THSD7A: variants seen among roughly 807,000 people sequenced by gnomAD.
THSD7A encodes thrombospondin type-1 domain-containing protein 7A.
Under a neutral mutation model 231.3 loss-of-function variants are expected in THSD7A, and 96 were observed. The ratio of observed to expected loss-of-function variants is 0.41; its 90% confidence interval spans 0.35 to 0.49. The LOEUF is 0.49. Ranked by LOEUF, THSD7A falls within the 20% of genes least tolerant of loss-of-function variation. The probability of loss-of-function intolerance (pLI) is 0.05; values close to 1 mark genes in which losing one functional copy is unlikely to be tolerated. For synonymous variants in THSD7A, 940 were observed against 743.3 expected (o/e 1.26, Z -4.30); for missense variants, 2,290 against 2,070.2 (o/e 1.11, Z -2.06).
chr7:11,466,933 A>C (rs944999195), intron 9 of THSD7A, among the ~76,000 whole-genome samples: 1 of 151,944 alleles, frequency 6.6e-6, no homozygotes, highest in African/African-American at 2.4e-5. Context: ...CACTCACCAC[A>C]AGAAATGAGC....
At chr7:11,683,810 A>G (rs1179709516) in intron 1 of THSD7A, among the ~76,000 whole-genome samples, 2 of 152,062 alleles carry the variant, frequency 1.3e-5, no homozygotes, top group African/African-American at 4.8e-5. Context: ...AAGAGCCAGT[A>G]TCAATCCTAC....
At chr7:11,386,845 T>A (rs1782763975) in intron 23 of THSD7A, among the ~76,000 whole-genome samples, 1 of 152,194 alleles carries the variant, frequency 6.6e-6, no homozygotes, top group Admixed American at 6.5e-5. Flanking sequence ...CGGTTTTAGG[T>A]CTTGGGTTTA....
intron 2 of THSD7A, among the ~76,000 whole-genome samples, chr7:11,629,080 G>A (rs138075188): frequency 3.3e-5 from 5 of 152,288 alleles, no homozygotes; most frequent in African/African-American, 1.2e-4. Flanking sequence ...GCCTTTGCTA[G>A]AGAAATTCAG....
At chr7:11,734,433 C>G (rs945308130) in intron 1 of THSD7A, among the ~76,000 whole-genome samples, 1 of 151,954 alleles carries the variant, frequency 6.6e-6, no homozygotes, top group African/African-American at 2.4e-5. Context: ...CCTCTACACT[C>G]CAGAAAAATA....
Position 11,589,264 on chromosome 7 carries a change from C to G in THSD7A, c.1453+1196G>C, listed in dbSNP as rs572012483. Among the ~76,000 whole-genome samples the G allele has an allele frequency of 4.5e-4, 69 of 152,110 alleles. 1 individual carries two copies. Among genetic ancestry groups the G allele is most frequent in the Non-Finnish European group, 8.2e-4 (56 of 68,026 alleles). On this transcript the variant is annotated intron_variant, in intron 4 of 27. Coordinates refer to ENST00000423059, the MANE Select transcript of THSD7A (RefSeq NM_015204.3). ...TCCTTTCCTCTCATCTCCTTTCCTC[C>G]CCTCCCGTCTCTACAACCTGCCAAA...
chr7:11,406,923 G>A lies in THSD7A; in HGVS notation c.4049C>T (p.Pro1350Leu). ...GAGATTTGATACCTGCACTTGGCAT[G>A]GAGACCACTGGCCATATTGCCACCG... is the stretch of plus-strand genomic sequence containing the variant. ...CYRWQYGQWS[P>L]CQVQEAQCGE... Residue 1350 changes from proline (P) to leucine (L), a missense_variant, in exon 21 of 28, where the codon CCA becomes CTA. Pro to Leu is a moderately conservative substitution (Grantham distance 98). Coordinates refer to ENST00000423059, the MANE Select transcript of THSD7A (RefSeq NM_015204.3). This position sits in a 1 kb window ranked among gnomAD's most constrained non-coding sequence, Gnocchi z 4.7. 6.2e-7 allele frequency: 1 copy of A among 1,613,794 alleles called. No homozygotes were observed. Among genetic ancestry groups the A allele is most frequent in the East Asian group, 2.2e-5 (1 of 44,862 alleles).
intron 17 of THSD7A, among the ~76,000 whole-genome samples, chr7:11,416,313 G>T (rs1783957877): frequency 6.6e-6 from 1 of 152,098 alleles, no homozygotes; most frequent in Admixed American, 6.6e-5. Flanking sequence ...TTAAGAAGGG[G>T]CCTGGGTTCA....
In THSD7A at chr7:11,473,400, G is replaced by C. The variant is rs141280922; in HGVS notation, c.2252+934C>G. 1.9e-3 allele frequency among the ~76,000 whole-genome samples: 288 copies of C among 152,186 alleles called. 1 individual carries two copies. The highest frequency in any genetic ancestry group is 3.0e-3 in the Non-Finnish European group (207 of 68,006). On this transcript the variant is annotated intron_variant, in intron 8 of 27. Coordinates refer to ENST00000423059, the MANE Select transcript of THSD7A (RefSeq NM_015204.3). ...CAGACTGCAAAAACTGTTGGCCAGAGTAAGTTAGGTAGCACGCTGAAGATT... is the reference window on the plus strand; with the variant it reads ...CAGACTGCAAAAACTGTTGGCCAGACTAAGTTAGGTAGCACGCTGAAGATT...
At chr7:11,628,862 C>A (rs904495470) in intron 2 of THSD7A, among the ~76,000 whole-genome samples, 4 of 152,092 alleles carry the variant, frequency 2.6e-5, no homozygotes, top group Non-Finnish European at 5.9e-5. Flanking sequence ...CAGCAGAAAA[C>A]AATGTAAACT....
intron 1 of THSD7A, among the ~76,000 whole-genome samples, chr7:11,647,494 T>A (rs963370721): frequency 1.3e-5 from 2 of 152,102 alleles, no homozygotes; most frequent in Non-Finnish European, 2.9e-5. Context: ...GCAATACTAC[T>A]ACTCAAATTA....
At chr7:11,381,062 A>G (rs111450637) in intron 24 of THSD7A, among the ~76,000 whole-genome samples, 7 of 152,144 alleles carry the variant, frequency 4.6e-5, no homozygotes, top group African/African-American at 1.4e-4. Context: ...AAGCTGTTAA[A>G]TTTTCTTTGA....
chr7:11,777,982 T>C (rs1047819407), intron 1 of THSD7A, among the ~76,000 whole-genome samples: 46 of 115,500 alleles, frequency 4.0e-4, no homozygotes, highest in Admixed American at 1.7e-4. Context: ...ACCCCGTCTC[T>C]ACTAAAAATA....
chr7:11,760,898 C>G (rs1782835319), intron 1 of THSD7A, among the ~76,000 whole-genome samples: 1 of 150,104 alleles, frequency 6.7e-6, no homozygotes, highest in South Asian at 2.1e-4. Flanking sequence ...TAATTATCTA[C>G]TAATGTTACA....
intron 4 of THSD7A, among the ~76,000 whole-genome samples, chr7:11,578,530 T>C (rs893237668): frequency 1.3e-5 from 2 of 152,192 alleles, no homozygotes; most frequent in Non-Finnish European, 2.9e-5. Context: ...TAAAGAAGTT[T>C]AGGGAAGGAT....
chr7:11,441,104 A>G (rs762985666), intron 13 of THSD7A, among the ~76,000 whole-genome samples: 9 of 152,042 alleles, frequency 5.9e-5, no homozygotes, highest in Non-Finnish European at 1.3e-4. Flanking sequence ...CTTTTTATTC[A>G]TCCATTTATT....
intron 5 of THSD7A, among the ~76,000 whole-genome samples, chr7:11,542,747 T>C (rs1040853751): frequency 1.3e-5 from 2 of 152,226 alleles, no homozygotes; most frequent in African/African-American, 4.8e-5. Context: ...CTCTCCATCA[T>C]GTTGTCTAAA....
At chr7:11,551,885 T>C (rs962900215) in intron 4 of THSD7A, among the ~76,000 whole-genome samples, 61 of 152,018 alleles carry the variant, frequency 4.0e-4, no homozygotes, top group Admixed American at 9.8e-4. Flanking sequence ...CATAAAGACA[T>C]ATGCATGCAT....
intron 1 of THSD7A, among the ~76,000 whole-genome samples, chr7:11,667,454 C>T (rs188309352): frequency 6.6e-6 from 1 of 152,180 alleles, no homozygotes; most frequent in East Asian, 1.9e-4. Flanking sequence ...ATTTCATAGT[C>T]ATTTTTTATT....
intron 4 of THSD7A, among the ~76,000 whole-genome samples, chr7:11,575,277 A>AT (rs1790842940): frequency 6.6e-6 from 1 of 152,144 alleles, no homozygotes. Context: ...TTTTAAAGAG[A>AT]TGGCGTTATT....
Sources: gnomAD v4.1 joint callset for allele counts (sites outside exome capture counted in the v4.1 genomes callset) on GRCh38, gnomAD v4.1.1 for gene constraint, Gnocchi (gnomAD v3.1) non-coding constraint, MANE v1.5 for transcripts, NCBI Gene and HGNC (gene_info 2026-07-23, HGNC 2026-07-21) for gene names.